ATP9B: variants seen among roughly 807,000 people sequenced by gnomAD.
ATP9B encodes the protein ATPase phospholipid transporting 9B.
Under a neutral mutation model 146.1 loss-of-function variants are expected in ATP9B, and 110 were observed. The ratio of observed to expected loss-of-function variants is 0.75; its 90% CI spans 0.65 to 0.88. The LOEUF (loss-of-function observed/expected upper bound fraction) is 0.88. Ranked by LOEUF, ATP9B falls within the 40% of genes least tolerant of loss-of-function variation. The pLI is 0.00. For missense variants in ATP9B, 1,499 were observed against 1,496.4 expected (o/e 1.00, Z -0.03); for synonymous variants, 604 against 569.7 (o/e 1.06, Z -0.86).
intron 1 of ATP9B, among the ~76,000 whole-genome samples, chr18:79,082,484 G>A (rs553525130): frequency 2.1e-4 from 32 of 152,156 alleles, no homozygotes; most frequent in African/African-American, 6.3e-4. Context: ...GAGAAGAGGC[G>A]TTCTGGTTTT....
intron 11 of ATP9B, among the ~76,000 whole-genome samples, chr18:79,240,341 T>A (rs968734382): frequency 1.3e-5 from 2 of 152,272 alleles, no homozygotes; most frequent in Non-Finnish European, 2.9e-5. Context: ...TTCAGCCTGT[T>A]TTATTTCATG....
chr18:79,178,930 T>C (rs1249019696), intron 8 of ATP9B, among the ~76,000 whole-genome samples: 1 of 152,220 alleles, frequency 6.6e-6, no homozygotes, highest in Non-Finnish European at 1.5e-5. Flanking sequence ...TGGCATAAAA[T>C]TGGCGTTATT....
chr18:79,240,300 T>C (rs991190075), intron 11 of ATP9B, among the ~76,000 whole-genome samples: 2 of 152,194 alleles, frequency 1.3e-5, no homozygotes, highest in Admixed American at 1.3e-4. Context: ...CAAATGAAAA[T>C]GGTAGAAGAA....
intron 7 of ATP9B, among the ~76,000 whole-genome samples, chr18:79,170,172 C>CAA: frequency 6.6e-6 from 1 of 152,312 alleles, no homozygotes; most frequent in South Asian, 2.1e-4. Context: ...CGGTAACTTT[C>CAA]ATTCACCGGC....
In ATP9B at chr18:79,377,405, G is replaced by A; in HGVS notation, c.*22G>A. 1 of 1,602,802 alleles carries A rather than the reference G, an allele frequency of 6.2e-7. No individual in the cohort carries two copies. Among genetic ancestry groups the A allele is most frequent in the Non-Finnish European group, 8.5e-7 (1 of 1,179,592 alleles). ...CTAAGGGGCTGTGCACCCCCAGCGG[G>A]CTGGCCCCAGCACCTTCTGCCCTTC... On this transcript the variant is annotated 3_prime_UTR_variant, in exon 30 of 30. Coordinates refer to ENST00000426216, the MANE Select transcript of ATP9B (RefSeq NM_198531.5).
chr18:79,306,055 G>T (rs1166161642), intron 14 of ATP9B, among the ~76,000 whole-genome samples: 3 of 152,206 alleles, frequency 2.0e-5, no homozygotes, highest in Non-Finnish European at 4.4e-5. Flanking sequence ...AGATGGGCTG[G>T]GTCCTCACTG....
At chr18:79,375,852 A>G (rs540664494) in intron 29 of ATP9B, 3 of 985,318 alleles carry the variant, frequency 3.0e-6, no homozygotes, top group Non-Finnish European at 3.6e-6. Context: ...ACTCTGCTCC[A>G]TAGATCTTTT....
intron 13 of ATP9B, among the ~76,000 whole-genome samples, chr18:79,283,836 C>T (rs2096405207): frequency 6.6e-6 from 1 of 152,204 alleles, no homozygotes; most frequent in African/African-American, 2.4e-5. Flanking sequence ...TTAATCTTCT[C>T]ACTGGTTGCA....
At chr18:79,129,778 C>G (rs1308679099) in intron 5 of ATP9B, among the ~76,000 whole-genome samples, 1 of 151,532 alleles carries the variant, frequency 6.6e-6, no homozygotes, top group African/African-American at 2.4e-5. Flanking sequence ...GAGTTTTGCT[C>G]TGTTGCCCAG....
chr18:79,254,846 T>C (rs2096063040), intron 12 of ATP9B: 1 of 152,400 alleles, frequency 6.6e-6, no homozygotes, highest in African/African-American at 2.4e-5. Context: ...TTACCCTAAA[T>C]ACCTTTCCTC....
At position 79,375,426 on chromosome 18, in the gene ATP9B, G is replaced by A; in HGVS notation, c.3307G>A (p.Asp1103Asn). The change falls in exon 29 of 30, where the codon GAT becomes AAT. Residue 1103 changes from aspartate (D) to asparagine (N), a missense_variant and splice_region_variant. Physicochemically the swap from Asp to Asn is conservative, Grantham distance 23 (BLOSUM62 1). Coordinates refer to ENST00000426216, the MANE Select transcript of ATP9B (RefSeq NM_198531.5). ...CAGAGTGTCTTTTGGAGCTTTCTTA[G>A]GTAGGTAAAGTTATCATTTCTTTCA... The part of the protein sequence containing the change: ...IGRVSFGAFL[D>N]VAFITTVTFL... The A allele has an allele frequency of 1.2e-6, 2 of 1,612,538 alleles. No individual in the cohort carries two copies. The highest frequency in any genetic ancestry group is 1.7e-6 in the Non-Finnish European group (2 of 1,178,746).
chr18:79,153,485 G>A (rs2094722846), intron 6 of ATP9B, among the ~76,000 whole-genome samples: 1 of 152,090 alleles, frequency 6.6e-6, no homozygotes, highest in Non-Finnish European at 1.5e-5. Flanking sequence ...TGTATGATGT[G>A]CTCTGTTTTG....
chr18:79,175,467 C>T (rs1381763029), intron 7 of ATP9B, among the ~76,000 whole-genome samples: 1 of 152,202 alleles, frequency 6.6e-6, no homozygotes, highest in African/African-American at 2.4e-5. Flanking sequence ...CACATACATG[C>T]GTACACAGAT....
At chr18:79,211,230 A>C (rs968417393) in intron 10 of ATP9B, among the ~76,000 whole-genome samples, 8 of 152,200 alleles carry the variant, frequency 5.3e-5, no homozygotes, top group Admixed American at 1.3e-4. Flanking sequence ...CCTTGTTAGC[A>C]TTCTTTGTCT....
chr18:79,221,349 T>C (rs772549669), intron 11 of ATP9B, among the ~76,000 whole-genome samples: 13 of 152,194 alleles, frequency 8.5e-5, no homozygotes, highest in Non-Finnish European at 1.9e-4. Flanking sequence ...AGCCATCTGC[T>C]TCCACAGATT....
chr18:79,207,770 T>C (rs929498775), intron 10 of ATP9B, among the ~76,000 whole-genome samples: 1 of 152,056 alleles, frequency 6.6e-6, no homozygotes, highest in African/African-American at 2.4e-5. Context: ...CCCCCATGCA[T>C]GTGCATGGAG....
intron 19 of ATP9B, among the ~76,000 whole-genome samples, chr18:79,341,653 C>A (rs2096859895): frequency 6.9e-6 from 1 of 145,498 alleles, no homozygotes. Flanking sequence ...GCCTGCGTTG[C>A]CAACACACCA....
chr18:79,076,892 T>A (rs1331802806), intron 1 of ATP9B, among the ~76,000 whole-genome samples: 2 of 148,784 alleles, frequency 1.3e-5, no homozygotes, highest in Non-Finnish European at 3.0e-5. Flanking sequence ...GTTCACTGAT[T>A]TTTTCTTCCT....
intron 2 of ATP9B, among the ~76,000 whole-genome samples, chr18:79,103,137 G>A (rs1455040039): frequency 6.6e-6 from 1 of 152,174 alleles, no homozygotes; most frequent in Non-Finnish European, 1.5e-5. Context: ...ACAGCATTGT[G>A]CAGTAGCGAG....
Sources: gnomAD v4.1 joint callset for allele counts (sites outside exome capture counted in the v4.1 genomes callset) on GRCh38, gnomAD v4.1.1 for gene constraint, MANE v1.5 for transcripts, NCBI Gene and HGNC (gene_info 2026-07-23, HGNC 2026-07-21) for gene names.